RNLS: variants seen among roughly 807,000 people sequenced by gnomAD.
The protein encoded by RNLS is renalase, FAD dependent amine oxidase, also known as renalase.
In RNLS, 39 loss-of-function variants were observed where a neutral mutation model predicts 39.8. That is an observed-to-expected ratio of 0.98 (90% CI 0.76 to 1.28). The LOEUF is 1.28. RNLS is among the 50% of genes most tolerant of loss of function. RNLS has a pLI of 0.00. For synonymous variants in RNLS, 147 were observed against 150.7 expected (o/e 0.98, Z 0.18); for missense variants, 410 against 413.3 (o/e 0.99, Z 0.07).
At chr10:88,556,756 C>T (rs1332425987) in intron 4 of RNLS, among the ~76,000 whole-genome samples, 4 of 152,122 alleles carry the variant, frequency 2.6e-5, no homozygotes, top group Non-Finnish European at 5.9e-5. Flanking sequence ...TCACTACCTT[C>T]AGGTGTCTAC....
At chr10:88,401,332 T>C (rs189524268) in intron 4 of RNLS, among the ~76,000 whole-genome samples, 2 of 152,182 alleles carry the variant, frequency 1.3e-5, no homozygotes, top group East Asian at 3.9e-4. Context: ...CTTTATAACA[T>C]ATATGTTGAA....
intron 5 of RNLS, among the ~76,000 whole-genome samples, chr10:88,357,534 T>C (rs540172312): frequency 1.3e-5 from 2 of 152,242 alleles, no homozygotes; most frequent in African/African-American, 4.8e-5. Context: ...TCACTTGTGT[T>C]GAAACCTATT....
the RNLS span, among the ~76,000 whole-genome samples, chr10:88,231,972 C>G: frequency 0.012 from 1,196 of 97,436 alleles, 12 homozygotes; most frequent in African/African-American, 0.038. Context: ...GTGTGTGTGT[C>G]TGTCTCAGAT....
At position 88,393,261 on chromosome 10, in the gene RNLS, T is replaced by G. The variant is rs371075185; in HGVS notation, c.527-30536A>C. Among the ~76,000 whole-genome samples the G allele has an allele frequency of 9.0e-3, 1,368 of 152,134 alleles. 24 individuals are homozygous for G. The highest frequency in any genetic ancestry group is 0.028 in the East Asian group (145 of 5,186). ...AAGAGGAAGTCAAATTGTCCCTGTT[T>G]GCAGATGACATGATTGTATATCTAG... On this transcript the variant is annotated intron_variant, in intron 4 of 6. Transcript: ENST00000331772.
At chr10:88,278,258 C>T (rs1193706071) in intron 6 of RNLS, among the ~76,000 whole-genome samples, 1 of 152,044 alleles carries the variant, frequency 6.6e-6, no homozygotes, top group African/African-American at 2.4e-5. Flanking sequence ...GTATCACTAA[C>T]ATTCAGTTTT....
chr10:88,285,581 A>G (rs746444687), intron 6 of RNLS, 75 bp from the exon 7 acceptor site: 1 of 1,279,204 alleles, frequency 7.8e-7, no homozygotes, highest in Non-Finnish European at 1.1e-6. Context: ...CCACCTGGAA[A>G]AGGTTAGTCT....
intron 4 of RNLS, among the ~76,000 whole-genome samples, chr10:88,377,378 T>TAAAC (rs957007957): frequency 1.1e-4 from 17 of 152,162 alleles, no homozygotes; most frequent in African/African-American, 3.4e-4. Flanking sequence ...CAGAAGAACA[T>TAAAC]AAACAATGGG....
At chr10:88,446,893 C>G (rs955959532) in intron 4 of RNLS, among the ~76,000 whole-genome samples, 12 of 152,218 alleles carry the variant, frequency 7.9e-5, no homozygotes, top group African/African-American at 2.9e-4. Context: ...AGCATATACA[C>G]AGAACCAAAC....
chr10:88,514,908 T>C (rs1480559675), intron 4 of RNLS, among the ~76,000 whole-genome samples: 1 of 152,134 alleles, frequency 6.6e-6, no homozygotes, highest in Non-Finnish European at 1.5e-5. Flanking sequence ...GAAGCGGGAT[T>C]GGATTGCTAG....
At chr10:88,472,982 G>A (rs1843630700) in intron 4 of RNLS, among the ~76,000 whole-genome samples, 1 of 152,168 alleles carries the variant, frequency 6.6e-6, no homozygotes, top group Non-Finnish European at 1.5e-5. Context: ...CAATTTTGTT[G>A]TTTTGCAAAC....
At chr10:88,266,694 T>TACACACAC in the RNLS span, among the ~76,000 whole-genome samples, 379 of 134,184 alleles carry the variant, frequency 2.8e-3, 6 homozygotes, top group African/African-American at 7.9e-3. Context: ...TTCTTTTAAA[T>TACACACAC]ACACACACAC....
chr10:88,364,049 T>C (rs529357468), intron 4 of RNLS, among the ~76,000 whole-genome samples: 1 of 152,218 alleles, frequency 6.6e-6, no homozygotes, highest in African/African-American at 2.4e-5. Context: ...AAGAAGACAT[T>C]TCTTCTACTT....
the RNLS span, among the ~76,000 whole-genome samples, chr10:88,180,743 T>A: frequency 1.3e-5 from 2 of 152,310 alleles, no homozygotes; most frequent in East Asian, 3.9e-4. Flanking sequence ...ATTGAACAGA[T>A]GTAGAGCTAG....
At chr10:88,398,012 G>A (rs546806679) in intron 4 of RNLS, among the ~76,000 whole-genome samples, 2 of 152,144 alleles carry the variant, frequency 1.3e-5, no homozygotes, top group African/African-American at 4.8e-5. Flanking sequence ...AAATGGTTCT[G>A]GGGCAACTGG....
At chr10:88,314,146 A>T (rs1589527506) in intron 6 of RNLS, among the ~76,000 whole-genome samples, 1 of 152,044 alleles carries the variant, frequency 6.6e-6, no homozygotes, top group African/African-American at 2.4e-5. Context: ...ATCTAGAAAA[A>T]CCCCAAAGAA....
chr10:88,483,318 G>C (rs1408741537), intron 4 of RNLS, among the ~76,000 whole-genome samples: 3 of 152,072 alleles, frequency 2.0e-5, no homozygotes, highest in Non-Finnish European at 4.4e-5. Flanking sequence ...CCCATCCCTT[G>C]GCCACAGCCA....
At chr10:88,237,122 G>GT in the RNLS span, among the ~76,000 whole-genome samples, 9,586 of 150,878 alleles carry the variant, frequency 0.064, 315 homozygotes, top group South Asian at 0.1. Flanking sequence ...TCTAGGGTTG[G>GT]TTTTTTTTTC....
In RNLS at chr10:88,573,044, TG is replaced by T. The variant is rs1849949752; in HGVS notation, c.384del (p.Phe128LeufsTer5). 1 of 1,613,830 alleles carries T rather than the reference TG, an allele frequency of 6.2e-7. No individual in the cohort carries two copies. Among genetic ancestry groups the T allele is most frequent in the South Asian group, 1.1e-5 (1 of 91,052 alleles). On this transcript the variant is annotated frameshift_variant, in exon 4 of 7. Coordinates refer to ENST00000331772, the MANE Select transcript of RNLS (RefSeq NM_001031709.3). LOFTEE classifies it high-confidence loss of function. ...AGGTTGATCTGTGTCACACGATGTC[TG>T]AAGTAGACTTCTGCACCTGTTCCAA... ...YLKESGAEVY[F>X]RHRVTQINLR... is the part of the protein sequence containing the mutation.
At chr10:88,331,813 T>C (rs1847135069) in intron 5 of RNLS, among the ~76,000 whole-genome samples, 1 of 152,138 alleles carries the variant, frequency 6.6e-6, no homozygotes, top group African/African-American at 2.4e-5. Flanking sequence ...CTCTTTTATA[T>C]GGCTCCCAGG....
Sources: allele counts gnomAD v4.1 joint callset (sites outside exome capture counted in the v4.1 genomes callset), GRCh38; gene constraint gnomAD v4.1.1; transcripts MANE v1.5; gene names NCBI Gene and HGNC (gene_info 2026-07-23, HGNC 2026-07-21).